Variants in TTC17 observed in about 807,000 individuals in gnomAD.
TTC17 encodes the protein tetratricopeptide repeat protein 17.
Under a neutral mutation model 143.8 loss-of-function variants are expected in TTC17, and 58 were observed. The observed-to-expected ratio is 0.40, with a 90% CI of 0.33 to 0.50. The LOEUF (loss-of-function observed/expected upper bound fraction) is 0.50. Ranked by LOEUF, TTC17 falls within the 20% of genes least tolerant of loss-of-function variation. The pLI is 0.49. For missense variants in TTC17, 1,273 were observed against 1,392.5 expected (o/e 0.91, Z 1.37); for synonymous variants, 501 against 497.8 (o/e 1.01, Z -0.09).
chr11:43,413,407 A>C (rs1457547843), intron 15 of TTC17, among the ~76,000 whole-genome samples: 1 of 152,206 alleles, frequency 6.6e-6, no homozygotes, highest in Admixed American at 6.5e-5. Flanking sequence ...CATAGGAGAA[A>C]GTCTTTATGA....
intron 5 of TTC17, chr11:43,396,343 T>G (rs1857592419): frequency 6.4e-6 from 1 of 156,860 alleles, no homozygotes; most frequent in South Asian, 2.1e-4. Context: ...AGGAATTTCA[T>G]GTTAGAGCTA....
intron 21 of TTC17, among the ~76,000 whole-genome samples, chr11:43,476,213 G>A (rs543893729): frequency 6.6e-5 from 10 of 152,116 alleles, no homozygotes; most frequent in Non-Finnish European, 1.0e-4. Flanking sequence ...GTATTCTTTG[G>A]AGAAAAAGCT....
rs186813990 is a variant in TTC17 at position 43,380,678 on chromosome 11, T to C, written c.249+1356T>C. On this transcript the variant is annotated intron_variant, in intron 2 of 23. Transcript: ENST00000039989. Reference sequence around the variant, plus strand: ...ACATATGTCTACAAATAGTTATAAATATGTACTTTTAAAAAAATCTGTGAA... The same window carrying C: ...ACATATGTCTACAAATAGTTATAAACATGTACTTTTAAAAAAATCTGTGAA... Among the ~76,000 whole-genome samples, 700 of 152,352 alleles carry C rather than the reference T, an allele frequency of 4.6e-3. 1 individual carries two copies. The highest frequency in any genetic ancestry group is 0.016 in the African/African-American group (675 of 41,564).
At chr11:43,443,200 C>T in intron 16 of TTC17, 125 bp from the exon 17 acceptor site, 3 of 1,054,042 alleles carry the variant, frequency 2.8e-6, no homozygotes, top group East Asian at 5.2e-5. Flanking sequence ...ATTTTTATTA[C>T]ATTGGGCTAT....
chr11:43,383,627 A>C (rs1857060790), intron 2 of TTC17, among the ~76,000 whole-genome samples: 1 of 151,890 alleles, frequency 6.6e-6, no homozygotes, highest in South Asian at 2.1e-4. Flanking sequence ...GGCCTCCCAC[A>C]GTGCTGGCTG....
At chr11:43,416,299 C>T (rs10838101) in intron 16 of TTC17, among the ~76,000 whole-genome samples, 53,944 of 151,932 alleles carry the variant, frequency 0.36, 11,137 homozygotes, top group East Asian at 0.75. Flanking sequence ...TTAATAGAAT[C>T]TCTTTTCTTA....
At chr11:43,489,999 A>G (rs915531755) in intron 21 of TTC17, 6 of 316,040 alleles carry the variant, frequency 1.9e-5, no homozygotes, top group Admixed American at 4.9e-5. Flanking sequence ...TGGGCAAGAC[A>G]CTTAAGCTCT....
intron 23 of TTC17, among the ~76,000 whole-genome samples, chr11:43,493,040 G>A (rs919656731): frequency 6.6e-6 from 1 of 152,206 alleles, no homozygotes; most frequent in Non-Finnish European, 1.5e-5. Context: ...TGCCGAATAT[G>A]CAGATTTCCC....
intron 15 of TTC17, among the ~76,000 whole-genome samples, chr11:43,408,034 C>T (rs1009044627): frequency 6.6e-6 from 1 of 152,094 alleles, no homozygotes; most frequent in Non-Finnish European, 1.5e-5. Context: ...GATTTTCATG[C>T]CCCAAACCTC....
chr11:43,438,473 A>G (rs1011579469), intron 16 of TTC17, among the ~76,000 whole-genome samples: 5 of 152,144 alleles, frequency 3.3e-5, no homozygotes, highest in African/African-American at 1.2e-4. Flanking sequence ...TTTGGAATCA[A>G]GTTTGTCTAA....
At chr11:43,400,275 T>C (rs771177070) in intron 9 of TTC17, among the ~76,000 whole-genome samples, 14 of 152,176 alleles carry the variant, frequency 9.2e-5, no homozygotes, top group Non-Finnish European at 1.3e-4. Flanking sequence ...AAACAAGTCT[T>C]GTAGATCCTA....
intron 16 of TTC17, among the ~76,000 whole-genome samples, chr11:43,431,642 A>C (rs963336738): frequency 1.3e-5 from 2 of 152,246 alleles, no homozygotes; most frequent in African/African-American, 4.8e-5. Context: ...GCATCTTACC[A>C]TGTGCTACGC....
At chr11:43,424,205 G>T (rs1471025347) in intron 16 of TTC17, among the ~76,000 whole-genome samples, 1 of 150,198 alleles carries the variant, frequency 6.7e-6, no homozygotes, top group East Asian at 2.0e-4. Flanking sequence ...CAATTATCTT[G>T]CCTCAGCCAC....
chr11:43,422,004 G>A (rs1374780465), intron 16 of TTC17, among the ~76,000 whole-genome samples: 4 of 152,188 alleles, frequency 2.6e-5, no homozygotes, highest in South Asian at 2.1e-4. Flanking sequence ...GAATAGACTA[G>A]TGGGGTAAGA....
chr11:43,493,635 C>A, intron 23 of TTC17, 138 bp from the exon 24 acceptor site: 1 of 1,324,618 alleles, frequency 7.5e-7, no homozygotes, highest in Non-Finnish European at 1.0e-6. Context: ...CAGAGTTTTC[C>A]ACAAAGACTT....
At chr11:43,483,726 A>G (rs1230185376) in intron 21 of TTC17, among the ~76,000 whole-genome samples, 3 of 152,260 alleles carry the variant, frequency 2.0e-5, no homozygotes, top group Non-Finnish European at 4.4e-5. Flanking sequence ...CATCTACTTC[A>G]AAGATGATTC....
At chr11:43,399,579 G>C (rs1232849135) in intron 8 of TTC17, among the ~76,000 whole-genome samples, 1 of 152,170 alleles carries the variant, frequency 6.6e-6, no homozygotes, top group Non-Finnish European at 1.5e-5. Context: ...ACTGAGGCAA[G>C]AGGACCCCTT....
At chr11:43,374,681 G>C (rs1334040497) in intron 1 of TTC17, among the ~76,000 whole-genome samples, 4 of 149,038 alleles carry the variant, frequency 2.7e-5, no homozygotes, top group African/African-American at 9.9e-5. Context: ...AATCACTAGA[G>C]AAGTGCAAAT....
In TTC17 at chr11:43,444,099, A is replaced by G. The variant is rs769586542; in HGVS notation, c.2555A>G (p.His852Arg). The change falls in exon 18 of 24, where the codon CAT (histidine) becomes CGT (arginine). Residue 852 changes from histidine (H) to arginine (R), a missense_variant. By Grantham distance (29) the His-to-Arg change is conservative (BLOSUM62 0). Transcript: ENST00000039989. ...CGTGTAAAGAAACCCAAAGGAGATC[A>G]TAAGAAAACTCCTGGGAAAAAAGTA... ...VKRVKKPKGD[H>R]KKTPGKKVET... 24 of 1,613,382 alleles carry G rather than the reference A, an allele frequency of 1.5e-5. No homozygotes were observed. Among genetic ancestry groups the G allele is most frequent in the Non-Finnish European group, 1.9e-5 (23 of 1,179,748 alleles).
Sources: gnomAD v4.1 joint callset for allele counts (sites outside exome capture counted in the v4.1 genomes callset) on GRCh38, gnomAD v4.1.1 for gene constraint, MANE v1.5 for transcripts, NCBI Gene and HGNC (gene_info 2026-07-23, HGNC 2026-07-21) for gene names.